Variants in PDE7B observed in about 807,000 individuals in gnomAD.
PDE7B encodes the protein 3',5'-cyclic-AMP phosphodiesterase 7B.
PDE7B carries 29 observed loss-of-function variants against 56.2 expected under a neutral mutation model. The observed-to-expected ratio is 0.52, with a 90% CI of 0.38 to 0.70. The LOEUF is 0.70. PDE7B is among the 30% of genes least tolerant of loss of function. The pLI, the probability that PDE7B is intolerant of heterozygous loss-of-function variation, is 0.00. For synonymous variants in PDE7B, 197 were observed against 196.9 expected (o/e 1.00, Z 0.00); for missense variants, 490 against 565.0 (o/e 0.87, Z 1.35).
intron 11 of PDE7B, among the ~76,000 whole-genome samples, chr6:136,183,954 CCATAT>C (rs1562516495): frequency 6.6e-6 from 1 of 152,138 alleles, no homozygotes; most frequent in African/African-American, 2.4e-5. Context: ...ACTCCAAATA[CCATAT>C]ATCTCCCTCC....
intron 2 of PDE7B, among the ~76,000 whole-genome samples, chr6:136,007,118 A>C (rs1775798613): frequency 6.6e-6 from 1 of 152,180 alleles, no homozygotes; most frequent in South Asian, 2.1e-4. Flanking sequence ...TTTAACATAA[A>C]GGGATGTTGG....
intron 1 of PDE7B, among the ~76,000 whole-genome samples, chr6:135,930,221 T>G (rs999526281): frequency 1.3e-5 from 2 of 152,088 alleles, no homozygotes; most frequent in Non-Finnish European, 2.9e-5. Flanking sequence ...AAACTCTGCC[T>G]TATAAAGCCA....
intron 2 of PDE7B, among the ~76,000 whole-genome samples, chr6:135,983,960 C>A (rs568976958): frequency 2.0e-5 from 3 of 152,352 alleles, no homozygotes; most frequent in Non-Finnish European, 4.4e-5. Flanking sequence ...TCATTAGTAA[C>A]CTCTTACAAA....
Position 136,053,330 on chromosome 6 carries a change from T to C in PDE7B, c.83-55401T>C, listed in dbSNP as rs918002318. 7.9e-5 allele frequency among the ~76,000 whole-genome samples: 12 copies of C among 151,354 alleles called. No individual in the cohort carries two copies. In the East Asian group the frequency reaches 1.8e-3, roughly 22 times the overall value. Reference sequence around the variant, plus strand: ...GGTGTTTGGTTTTTTGTCCTTGCAATAGTTTGCTGAGAATGATGGTTTCCA... The same window carrying C: ...GGTGTTTGGTTTTTTGTCCTTGCAACAGTTTGCTGAGAATGATGGTTTCCA... On this transcript the variant is annotated intron_variant, in intron 2 of 12. Coordinates refer to ENST00000308191, the MANE Select transcript of PDE7B (RefSeq NM_018945.4).
chr6:135,994,116 CTG>C (rs3220309), intron 2 of PDE7B, among the ~76,000 whole-genome samples: 7,305 of 138,526 alleles, frequency 0.053, 182 homozygotes, highest in East Asian at 0.11. Flanking sequence ...TGTATTGGAT[CTG>C]TGTGTGTGTG....
chr6:136,081,055 A>G (rs182617305), intron 2 of PDE7B, among the ~76,000 whole-genome samples: 2 of 152,338 alleles, frequency 1.3e-5, no homozygotes, highest in East Asian at 3.9e-4. Flanking sequence ...TTGGCACAGC[A>G]TAGTGGCAAG....
At chr6:136,038,974 C>A (rs1398591613) in intron 2 of PDE7B, among the ~76,000 whole-genome samples, 1 of 152,038 alleles carries the variant, frequency 6.6e-6, no homozygotes, top group Non-Finnish European at 1.5e-5. Context: ...TTAACTATGC[C>A]ATTTACAGCA....
chr6:135,882,909 C>T (rs1775634767), intron 1 of PDE7B, among the ~76,000 whole-genome samples: 1 of 152,160 alleles, frequency 6.6e-6, no homozygotes, highest in South Asian at 2.1e-4. Context: ...GAGCTGAAAT[C>T]CATTTCTGTT....
At chr6:135,958,810 G>GT (rs1774846865) in intron 2 of PDE7B, among the ~76,000 whole-genome samples, 3 of 152,078 alleles carry the variant, frequency 2.0e-5, no homozygotes, top group Admixed American at 2.0e-4. Context: ...AGAAAGCTCA[G>GT]TTTTCATAAA....
intron 3 of PDE7B, among the ~76,000 whole-genome samples, chr6:136,146,634 G>A (rs1413057619): frequency 6.6e-6 from 1 of 152,058 alleles, no homozygotes; most frequent in Non-Finnish European, 1.5e-5. Context: ...TCCTAATTCA[G>A]GTGGAAAAAT....
chr6:135,915,728 C>G (rs887413482), intron 1 of PDE7B, among the ~76,000 whole-genome samples: 8 of 152,152 alleles, frequency 5.3e-5, no homozygotes, highest in Admixed American at 6.5e-5. Context: ...CACAACCAAC[C>G]ACTGTCAACG....
chr6:136,158,636 G>T (rs1308268845), intron 8 of PDE7B, among the ~76,000 whole-genome samples: 1 of 152,160 alleles, frequency 6.6e-6, no homozygotes, highest in Admixed American at 6.5e-5. Flanking sequence ...TGGAGTGAAG[G>T]CCAGGTCAGA....
chr6:135,928,433 A>ATATATATATATATATT (rs1562442767), intron 1 of PDE7B, among the ~76,000 whole-genome samples: 7 of 123,828 alleles, frequency 5.7e-5, no homozygotes, highest in African/African-American at 2.2e-4. Flanking sequence ...ATGTGATTAT[A>ATATATATATATATATT]TATATATATA....
intron 2 of PDE7B, among the ~76,000 whole-genome samples, chr6:136,003,101 A>C (rs112044171): frequency 0.013 from 2,019 of 152,290 alleles, 51 homozygotes; most frequent in African/African-American, 0.045. Flanking sequence ...CTGAATGACT[A>C]CTGGGTACAT....
chr6:135,945,304 A>T (rs1774576635), intron 1 of PDE7B, among the ~76,000 whole-genome samples: 1 of 152,170 alleles, frequency 6.6e-6, no homozygotes, highest in African/African-American at 2.4e-5. Context: ...TGAAATGATA[A>T]ATATGACACG....
At chr6:136,092,833 C>T (rs1777411816) in intron 2 of PDE7B, among the ~76,000 whole-genome samples, 1 of 152,118 alleles carries the variant, frequency 6.6e-6, no homozygotes, top group African/African-American at 2.4e-5. Flanking sequence ...AAGTCTCAGA[C>T]AGGATAAATA....
rs542048011 is a variant in PDE7B at position 136,089,860 on chromosome 6, T to C, written c.83-18871T>C. ...CTTCTTTGTGTGTGTCTTTTTCTCC[T>C]TCCTTATTTTCTGTGTCTAGTGTTC... On this transcript the variant is annotated intron_variant, in intron 2 of 12. Coordinates refer to ENST00000308191, the MANE Select transcript of PDE7B (RefSeq NM_018945.4). Among the ~76,000 whole-genome samples, 3 of 152,338 alleles carry C rather than the reference T, an allele frequency of 2.0e-5. No individual in the cohort carries two copies. The East Asian group carries it at 5.8e-4, about 29-fold the overall frequency.
intron 10 of PDE7B, among the ~76,000 whole-genome samples, chr6:136,179,406 T>C (rs1779027990): frequency 6.6e-6 from 1 of 152,092 alleles, no homozygotes. Flanking sequence ...TTTAGCACAT[T>C]TGAGAAGGAG....
intron 3 of PDE7B, among the ~76,000 whole-genome samples, chr6:136,118,580 G>A (rs1333203102): frequency 1.3e-5 from 2 of 152,074 alleles, no homozygotes; most frequent in African/African-American, 4.8e-5. Context: ...ACTCAACCAA[G>A]GTCACCCAGC....
Sources: gnomAD v4.1 joint callset for allele counts (sites outside exome capture counted in the v4.1 genomes callset) on GRCh38, gnomAD v4.1.1 for gene constraint, MANE v1.5 for transcripts, NCBI Gene and HGNC (gene_info 2026-07-23, HGNC 2026-07-21) for gene names.